Variants in GPHN observed in about 807,000 individuals in gnomAD.
GPHN encodes gephyrin.
In GPHN, 17 loss-of-function variants were observed where a neutral mutation model predicts 95.5. The observed-to-expected ratio is 0.18, with a 90% CI of 0.12 to 0.27. The LOEUF (loss-of-function observed/expected upper bound fraction) is 0.27, where lower values mean the gene tolerates loss of function less well. GPHN is among the 10% of genes least tolerant of loss of function. The pLI is 1.00. For synonymous variants in GPHN, 320 were observed against 322.5 expected, an observed-to-expected ratio of 0.99 and a Z score of 0.08; for missense variants, 660 against 978.1, an observed-to-expected ratio of 0.67 and a Z score of 4.34.
chr14:66,880,041 A>G lies in GPHN; in HGVS notation c.389+8A>G, dbSNP rs369591351. 6.5e-7 allele frequency: 1 copy of G among 1,534,494 alleles called. No individual in the cohort carries two copies. Among genetic ancestry groups the G allele is most frequent in the Non-Finnish European group, 9.0e-7 (1 of 1,107,664 alleles). On this transcript the variant is annotated splice_region_variant and intron_variant, in intron 5 of 22. Coordinates refer to ENST00000478722, the MANE Select transcript of GPHN (RefSeq NM_020806.5). ...TCTGGGCATGCTCTCTAGGTAAGAAAGTCACCAACATGTTGCAAACCATTT... is the reference window on the plus strand; with the variant it reads ...TCTGGGCATGCTCTCTAGGTAAGAAGGTCACCAACATGTTGCAAACCATTT...
intron 4 of GPHN, among the ~76,000 whole-genome samples, chr14:66,844,229 C>G (rs187747556): frequency 1.3e-5 from 2 of 152,228 alleles, no homozygotes; most frequent in Non-Finnish European, 2.9e-5. Flanking sequence ...TCCTTTTAAA[C>G]TCTTTTCTTG....
chr14:67,301,852 T>G, the GPHN span: 1 of 1,111,796 alleles, frequency 9.0e-7, no homozygotes, highest in Middle Eastern at 2.1e-4. Context: ...TTATTAGCTC[T>G]AATTAATTAT....
At chr14:67,340,485 T>C in the GPHN span, 1 of 1,613,640 alleles carries the variant, frequency 6.2e-7, no homozygotes, top group South Asian at 1.1e-5. Flanking sequence ...TGTGATGATA[T>C]AAGCAAGAGT....
At chr14:66,638,965 T>C (rs1341801102) in intron 1 of GPHN, among the ~76,000 whole-genome samples, 1 of 152,064 alleles carries the variant, frequency 6.6e-6, no homozygotes, top group African/African-American at 2.4e-5. Flanking sequence ...ATTCAGTTAG[T>C]GAAGAACAGG....
the GPHN span, among the ~76,000 whole-genome samples, chr14:67,610,347 T>G: frequency 6.6e-6 from 1 of 152,322 alleles, no homozygotes; most frequent in East Asian, 1.9e-4. Flanking sequence ...ATTTAGTTTA[T>G]AGCTAAACTT....
intron 8 of GPHN, among the ~76,000 whole-genome samples, chr14:66,960,821 A>G (rs2068851981): frequency 6.6e-6 from 1 of 152,070 alleles, no homozygotes; most frequent in Admixed American, 6.6e-5. Flanking sequence ...CTGACCTTTT[A>G]GAGTCCAAAG....
intron 2 of GPHN, among the ~76,000 whole-genome samples, chr14:66,695,969 C>A (rs976265963): frequency 6.6e-6 from 1 of 152,132 alleles, no homozygotes; most frequent in Non-Finnish European, 1.5e-5. Flanking sequence ...ATAGAATATA[C>A]AACACTGAAA....
At position 66,596,950 on chromosome 14, in the gene GPHN, A is replaced by G. The variant is rs114171769; in HGVS notation, c.65-84157A>G. Reference sequence around the variant, plus strand: ...GCCAGGGATTGATTGACACCATTCCAGACAGGCTGCCGCTGCCTTCAGTCC... The same window carrying G: ...GCCAGGGATTGATTGACACCATTCCGGACAGGCTGCCGCTGCCTTCAGTCC... On this transcript the variant is annotated intron_variant, in intron 1 of 22. Coordinates refer to ENST00000478722, the MANE Select transcript of GPHN (RefSeq NM_020806.5). Among the ~76,000 whole-genome samples the G allele has an allele frequency of 4.0e-3, 616 of 152,310 alleles. 3 individuals are homozygous for G. The highest frequency in any genetic ancestry group is 0.013 in the African/African-American group (560 of 41,576).
intron 11 of GPHN, among the ~76,000 whole-genome samples, chr14:67,063,912 A>G (rs569311307): frequency 3.3e-5 from 5 of 152,316 alleles, no homozygotes; most frequent in African/African-American, 1.2e-4. Flanking sequence ...TCCTAATTGA[A>G]TACCTTTTAT....
chr14:67,600,054 C>A, the GPHN span: 2 of 1,586,514 alleles, frequency 1.3e-6, no homozygotes, highest in Non-Finnish European at 1.7e-6. Context: ...CGTAGGCCGC[C>A]AGCCACACCG....
intron 17 of GPHN, among the ~76,000 whole-genome samples, chr14:67,142,680 C>A (rs1276242623): frequency 6.6e-6 from 1 of 152,212 alleles, no homozygotes; most frequent in African/African-American, 2.4e-5. Flanking sequence ...CCTCCCCCCT[C>A]CATTTCCTAT....
intron 9 of GPHN, among the ~76,000 whole-genome samples, chr14:67,019,335 CA>C (rs1226881035): frequency 2.0e-5 from 3 of 152,006 alleles, no homozygotes; most frequent in Non-Finnish European, 2.9e-5. Flanking sequence ...GATTAGTGGC[CA>C]GTAAAGTCAT....
chr14:66,600,914 C>T (rs549438383), intron 1 of GPHN, among the ~76,000 whole-genome samples: 7 of 151,924 alleles, frequency 4.6e-5, no homozygotes, highest in East Asian at 1.9e-4. Context: ...CAAAGTGCTA[C>T]GAATATTGAT....
intron 3 of GPHN, among the ~76,000 whole-genome samples, chr14:66,776,854 A>G (rs1468419288): frequency 6.8e-6 from 1 of 147,440 alleles, no homozygotes; most frequent in African/African-American, 2.5e-5. Context: ...TCTTTTCCCT[A>G]TAAGCCTTCA....
At chr14:67,521,316 C>G in the GPHN span, among the ~76,000 whole-genome samples, 3 of 152,086 alleles carry the variant, frequency 2.0e-5, no homozygotes, top group African/African-American at 7.2e-5. Context: ...GAAGCAAATG[C>G]AAAAGTTTAC....
At chr14:67,013,855 ACT>A (rs1462074904) in intron 9 of GPHN, among the ~76,000 whole-genome samples, 3 of 151,936 alleles carry the variant, frequency 2.0e-5, no homozygotes, top group African/African-American at 7.2e-5. Context: ...CTAATTAAAA[ACT>A]CAGTATTTCA....
intron 17 of GPHN, among the ~76,000 whole-genome samples, chr14:67,123,328 G>C (rs1008137223): frequency 6.6e-6 from 1 of 152,216 alleles, no homozygotes. Context: ...GGTAGGATCT[G>C]ACAAGGCATG....
the GPHN span, among the ~76,000 whole-genome samples, chr14:67,552,357 T>C: frequency 6.6e-6 from 1 of 152,174 alleles, no homozygotes; most frequent in Non-Finnish European, 1.5e-5. Context: ...TCTGCCCTCG[T>C]GAAAAGTGTT....
chr14:67,674,229 G>C, the GPHN span: 1 of 651,272 alleles, frequency 1.5e-6, no homozygotes, highest in Non-Finnish European at 2.5e-6. Flanking sequence ...GGGAGACCTG[G>C]GGCTGGGACA....
Sources: allele counts gnomAD v4.1 joint callset (sites outside exome capture counted in the v4.1 genomes callset), GRCh38; gene constraint gnomAD v4.1.1; transcripts MANE v1.5; gene names NCBI Gene and HGNC (gene_info 2026-07-23, HGNC 2026-07-21).